The following ANLN variants were observed in gnomAD, a reference collection of about 807,000 sequenced individuals.
The protein encoded by ANLN is anillin, actin binding protein, also known as anillin.
ANLN carries 59 observed loss-of-function variants against 135.1 expected under a neutral mutation model. The observed-to-expected ratio is 0.44, with a 90% CI of 0.35 to 0.54. ANLN has a LOEUF of 0.54. Ranked by LOEUF, ANLN falls within the 20% of genes least tolerant of loss-of-function variation. The probability of loss-of-function intolerance (pLI) is 0.00; values close to 1 mark genes in which losing one functional copy is unlikely to be tolerated. For missense variants in ANLN, 1,182 were observed against 1,340.0 expected (o/e 0.88, Z 1.84); for synonymous variants, 406 against 456.4 (o/e 0.89, Z 1.41).
At chr7:36,395,051 G>A (rs1057181445) in intron 1 of ANLN, among the ~76,000 whole-genome samples, 1 of 152,140 alleles carries the variant, frequency 6.6e-6, no homozygotes, top group African/African-American at 2.4e-5. Context: ...AGTGTTTTAT[G>A]TTTTCAAAGG....
chr7:36,417,003 A>C (rs531766337), intron 8 of ANLN, 77 bp from the exon 9 acceptor site: 48 of 725,076 alleles, frequency 6.6e-5, no homozygotes, highest in African/African-American at 5.8e-4. Flanking sequence ...AGAAAAAAAA[A>C]ACACACACAA....
chr7:36,423,677 A>G, intron 14 of ANLN, 140 bp from the exon 15 acceptor site: 1 of 797,832 alleles, frequency 1.3e-6, no homozygotes, highest in South Asian at 3.0e-5. Flanking sequence ...TTGTGTCTGG[A>G]AAGTTGATTT....
intron 7 of ANLN, among the ~76,000 whole-genome samples, chr7:36,412,314 T>C (rs1787448708): frequency 8.9e-6 from 1 of 112,216 alleles, no homozygotes; most frequent in Admixed American, 9.4e-5. Flanking sequence ...GAAATATATA[T>C]ATATATATAT....
intron 23 of ANLN, among the ~76,000 whole-genome samples, chr7:36,451,179 C>T (rs1444999029): frequency 6.6e-6 from 1 of 152,214 alleles, no homozygotes; most frequent in Non-Finnish European, 1.5e-5. Flanking sequence ...CTTTGCCTCA[C>T]TGATGTGTTT....
chr7:36,405,672 A>G (rs1355948802), intron 3 of ANLN, among the ~76,000 whole-genome samples: 1 of 152,242 alleles, frequency 6.6e-6, no homozygotes, highest in East Asian at 1.9e-4. Context: ...TATCCAATAC[A>G]GAAGACACTA....
At chr7:36,398,286 A>G (rs1008968620) in intron 2 of ANLN, among the ~76,000 whole-genome samples, 4 of 152,138 alleles carry the variant, frequency 2.6e-5, no homozygotes, top group African/African-American at 9.7e-5. Flanking sequence ...TGACCAGATA[A>G]TTCAGTCACT....
Position 36,389,871 on chromosome 7 carries a change from A to T in ANLN, c.-156A>T, listed in dbSNP as rs904056883. ...AACGGCTGCAGAGGCCGAGTCCGTC[A>T]CTGGAAGCCGAGAGGAGAGGACAGC... On this transcript the variant is annotated 5_prime_UTR_variant, in exon 1 of 24. Coordinates refer to ENST00000265748, the MANE Select transcript of ANLN (RefSeq NM_018685.5). 3 of 1,347,884 alleles carry T rather than the reference A, an allele frequency of 2.2e-6. No homozygotes were observed. The highest frequency in any genetic ancestry group is 3.1e-6 in the Non-Finnish European group (3 of 960,024). The allele number at this position is 1,347,884 out of a possible 1,614,324, so 83.5% of individuals were successfully genotyped here.
intron 20 of ANLN, among the ~76,000 whole-genome samples, chr7:36,437,985 T>A (rs1788615125): frequency 6.6e-6 from 1 of 151,966 alleles, no homozygotes; most frequent in South Asian, 2.1e-4. Context: ...GAAGGTGAAA[T>A]CCCTTCAAGG....
intron 5 of ANLN, among the ~76,000 whole-genome samples, chr7:36,408,169 T>A (rs1302722850): frequency 6.6e-6 from 1 of 152,200 alleles, no homozygotes; most frequent in African/African-American, 2.4e-5. Flanking sequence ...TATGTTACAT[T>A]TTAACAGTTT....
intron 7 of ANLN, among the ~76,000 whole-genome samples, chr7:36,413,234 C>T (rs1443986561): frequency 6.6e-6 from 1 of 152,014 alleles, no homozygotes; most frequent in Non-Finnish European, 1.5e-5. Flanking sequence ...TCTTTGCCTC[C>T]ATGTCATGCA....
chr7:36,415,402 GTTATT>G (rs58082754), intron 7 of ANLN, among the ~76,000 whole-genome samples: 146,061 of 149,276 alleles, frequency 0.98, 71,535 homozygotes, highest in Non-Finnish European at 1. Flanking sequence ...TTTTTTTATT[GTTATT>G]TTATTTTATT....
chr7:36,434,338 T>C (rs1788439423), intron 20 of ANLN, among the ~76,000 whole-genome samples: 1 of 152,214 alleles, frequency 6.6e-6, no homozygotes, highest in African/African-American at 2.4e-5. Context: ...TTTAGACATG[T>C]CTTCAACCAT....
rs117396483 is a variant in ANLN, at chr7:36,426,644, A to G, written c.2771-272A>G. ...TATAACTAGCACTGAAGTCTTTTCC[A>G]TGTTTTTTATCGGGAAGTTGCTTTT... On this transcript the variant is annotated intron_variant, in intron 19 of 23. Transcript: ENST00000265748. Among the ~76,000 whole-genome samples the G allele has an allele frequency of 4.5e-3, 679 of 152,184 alleles. 3 individuals are homozygous for G. Among genetic ancestry groups the G allele is most frequent in the South Asian group, 0.013 (61 of 4,816 alleles).
intron 7 of ANLN, among the ~76,000 whole-genome samples, chr7:36,412,647 C>T (rs939543815): frequency 2.0e-5 from 3 of 151,982 alleles, no homozygotes; most frequent in Admixed American, 1.3e-4. Flanking sequence ...TTTTAAAAGA[C>T]GCATATTCAT....
Position 36,389,875 on chromosome 7 carries a change from G to T in ANLN, c.-152G>T, listed in dbSNP as rs896116070. On this transcript the variant is annotated 5_prime_UTR_variant, in exon 1 of 24. Coordinates refer to ENST00000265748, the MANE Select transcript of ANLN (RefSeq NM_018685.5). ...GCTGCAGAGGCCGAGTCCGTCACTG[G>T]AAGCCGAGAGGAGAGGACAGCTGGT... The T allele has an allele frequency of 1.4e-6, 2 of 1,396,916 alleles. No individual in the cohort carries two copies. The highest frequency in any genetic ancestry group is 2.8e-5 in the African/African-American group (2 of 70,688). The allele number at this position is 1,396,916 out of a possible 1,614,324, so 86.5% of individuals were successfully genotyped here. A position where few individuals can be genotyped will look rare whatever the true frequency, so the allele number is the denominator to read the frequency against.
intron 2 of ANLN, 133 bp downstream of exon 2, chr7:36,396,552 A>T (rs983269500): frequency 1.3e-6 from 1 of 790,428 alleles, no homozygotes; most frequent in Non-Finnish European, 1.8e-6. Flanking sequence ...TGGGGGAAAT[A>T]ACAGCCTTCT....
At chr7:36,404,330 G>T (rs533356097) in intron 3 of ANLN, among the ~76,000 whole-genome samples, 1 of 152,142 alleles carries the variant, frequency 6.6e-6, no homozygotes, top group African/African-American at 2.4e-5. Flanking sequence ...CCACTTATCC[G>T]CTGGGTATAT....
intron 14 of ANLN, among the ~76,000 whole-genome samples, chr7:36,423,361 G>A (rs1787957000): frequency 6.6e-6 from 1 of 152,052 alleles, no homozygotes; most frequent in Non-Finnish European, 1.5e-5. Context: ...AATTTAGTAT[G>A]CGTCTGGAGG....
chr7:36,425,989 C>G, intron 18 of ANLN, 26 bp from the exon 19 acceptor site: 1 of 1,464,290 alleles, frequency 6.8e-7, no homozygotes, highest in Non-Finnish European at 9.2e-7. Context: ...TATGTTTCTT[C>G]TTCACACCTT....
Sources: gnomAD v4.1 joint callset for allele counts (sites outside exome capture counted in the v4.1 genomes callset) on GRCh38, gnomAD v4.1.1 for gene constraint, MANE v1.5 for transcripts, NCBI Gene and HGNC (gene_info 2026-07-23, HGNC 2026-07-21) for gene names.